Variants in GPR158 observed in about 807,000 individuals in gnomAD.
GPR158 encodes G protein-coupled receptor 158.
A neutral mutation model predicts 78.2 loss-of-function variants in GPR158; 30 were observed. The observed-to-expected ratio is 0.38, with a 90% confidence interval of 0.29 to 0.52. The LOEUF (loss-of-function observed/expected upper bound fraction) is 0.52, where lower values mean the gene tolerates loss of function less well. Ranked by LOEUF, GPR158 falls within the 20% of genes least tolerant of loss-of-function variation. The probability of loss-of-function intolerance (pLI) is 0.83; values close to 1 mark genes in which losing one functional copy is unlikely to be tolerated. For synonymous variants in GPR158, 581 were observed against 591.1 expected (o/e 0.98, Z 0.25); for missense variants, 1,463 against 1,523.5 (o/e 0.96, Z 0.66).
chr10:25,419,062 CAT>C (rs971460064), intron 4 of GPR158, among the ~76,000 whole-genome samples: 2 of 151,850 alleles, frequency 1.3e-5, no homozygotes, highest in African/African-American at 4.8e-5. Flanking sequence ...TTAGGTATGT[CAT>C]ATTTTTATTT....
intron 4 of GPR158, among the ~76,000 whole-genome samples, chr10:25,433,587 G>C (rs189634945): frequency 6.8e-6 from 1 of 147,960 alleles, no homozygotes; most frequent in Admixed American, 6.7e-5. Flanking sequence ...GCGCGTGCGC[G>C]TGCGCATATA....
chr10:25,176,437 C>A lies in GPR158; in HGVS notation c.902+115C>A. On this transcript the variant is annotated intron_variant, in intron 1 of 10. Transcript: ENST00000376351. The surrounding 1 kb of genome is among the most constrained non-coding windows in gnomAD (Gnocchi z 6.3). ...TGGCTGTGACGCGAACGCTTCTCACCCTCAGAGTAGAGACCCGGGCTGAGG... is the reference window on the plus strand; with the variant it reads ...TGGCTGTGACGCGAACGCTTCTCACACTCAGAGTAGAGACCCGGGCTGAGG... The A allele has an allele frequency of 1.1e-6, 1 of 880,886 alleles. No homozygotes were observed. Among genetic ancestry groups the A allele is most frequent in the South Asian group, 1.8e-5 (1 of 56,528 alleles). 54.6% of individuals were successfully genotyped at this position (880,886 alleles called of 1,614,324 possible).
intron 6 of GPR158, 51 bp from the exon 7 acceptor site, chr10:25,572,598 T>G: frequency 8.9e-7 from 1 of 1,125,796 alleles, no homozygotes; most frequent in African/African-American, 1.5e-5. Flanking sequence ...TTTAGAGTTA[T>G]ACTTTCTGAA....
chr10:25,329,595 C>G (rs1297007717), intron 2 of GPR158, among the ~76,000 whole-genome samples: 1 of 151,186 alleles, frequency 6.6e-6, no homozygotes, highest in Admixed American at 6.6e-5. Context: ...AAACTCTTAC[C>G]TCTTTTTTTT....
Position 25,241,306 on chromosome 10 carries a change from T to C in GPR158, c.1008+20149T>C, listed in dbSNP as rs199823103. ...TTTCTTTTCTTTTCTTTTCTTTTCT[T>C]TTCTTTTCTCTTCTCTTCTCTTCTC... On this transcript the variant is annotated intron_variant, in intron 2 of 10. Transcript: ENST00000376351. 6.3e-4 allele frequency among the ~76,000 whole-genome samples: 63 copies of C among 100,652 alleles called. 2 individuals are homozygous for C. The highest frequency in any genetic ancestry group is 2.4e-3 in the African/African-American group (46 of 18,970). 66.0% of individuals were successfully genotyped at this position (100,652 alleles called of 152,430 possible). A position where few individuals can be genotyped will look rare whatever the true frequency, so the allele number is the denominator to read the frequency against.
At chr10:25,425,457 C>A (rs184319516) in intron 4 of GPR158, among the ~76,000 whole-genome samples, 1 of 151,802 alleles carries the variant, frequency 6.6e-6, no homozygotes, top group African/African-American at 2.4e-5. Flanking sequence ...ATATGTTCAT[C>A]GGCCATTTGT....
intron 2 of GPR158, among the ~76,000 whole-genome samples, chr10:25,327,055 A>G (rs1855045708): frequency 6.6e-6 from 1 of 152,182 alleles, no homozygotes; most frequent in South Asian, 2.1e-4. Flanking sequence ...ATCAGCATGT[A>G]ACCTCATTGT....
intron 2 of GPR158, among the ~76,000 whole-genome samples, chr10:25,283,554 T>A (rs938413387): frequency 3.3e-5 from 5 of 152,016 alleles, no homozygotes; most frequent in Non-Finnish European, 7.4e-5. Context: ...TTGTTAATCT[T>A]TTAAAATAAC....
chr10:25,470,028 A>T (rs1835476654), intron 5 of GPR158, among the ~76,000 whole-genome samples: 1 of 152,052 alleles, frequency 6.6e-6, no homozygotes, highest in African/African-American at 2.4e-5. Flanking sequence ...AAGATTCCCC[A>T]ATTTACTTAG....
intron 2 of GPR158, among the ~76,000 whole-genome samples, chr10:25,358,541 T>C (rs553251852): frequency 5.7e-4 from 86 of 152,172 alleles, no homozygotes; most frequent in Middle Eastern, 3.4e-3. Context: ...TTTTTAAAAA[T>C]GGGAGTTTCT....
Position 25,396,033 on chromosome 10 carries a change from A to ATG in GPR158, c.1111+22_1111+23dup. On this transcript the variant is annotated intron_variant, in intron 3 of 10. Coordinates refer to ENST00000376351, the MANE Select transcript of GPR158 (RefSeq NM_020752.3). ...TTCGGAGTAAGTGCCCTTTGTTTCT[A>ATG]TGTATATATATGTATATACATCATA... The ATG allele has an allele frequency of 1.1e-6, 1 of 950,220 alleles. No homozygotes were observed. Among genetic ancestry groups the ATG allele is most frequent in the African/African-American group, 1.6e-5 (1 of 61,132 alleles). The allele number at this position is 950,220 out of a possible 1,614,324, so 58.9% of individuals were successfully genotyped here.
chr10:25,397,823 CTGTTA>C (rs1404451555), intron 3 of GPR158, among the ~76,000 whole-genome samples: 1 of 152,070 alleles, frequency 6.6e-6, no homozygotes, highest in East Asian at 1.9e-4. Context: ...TGCTTAGGTT[CTGTTA>C]TTTAGCAACA....
chr10:25,367,209 A>G (rs1007793557), intron 2 of GPR158, among the ~76,000 whole-genome samples: 4 of 151,640 alleles, frequency 2.6e-5, no homozygotes, highest in African/African-American at 9.7e-5. Context: ...ATATTTCTAC[A>G]TAGGGCTACC....
intron 4 of GPR158, among the ~76,000 whole-genome samples, chr10:25,465,629 T>G (rs1835410902): frequency 1.3e-5 from 2 of 152,370 alleles, no homozygotes; most frequent in South Asian, 4.1e-4. Flanking sequence ...CCTTGTTATT[T>G]AATGTGATTT....
In GPR158 at chr10:25,419,158, A is replaced by G. The variant is rs61853631; in HGVS notation, c.1335+6685A>G. Among the ~76,000 whole-genome samples, 90 of 151,940 alleles carry G rather than the reference A, an allele frequency of 5.9e-4. 2 individuals are homozygous for G. The highest frequency in any genetic ancestry group is 1.2e-3 in the Non-Finnish European group (79 of 67,992). On this transcript the variant is annotated intron_variant, in intron 4 of 10. Coordinates refer to ENST00000376351, the MANE Select transcript of GPR158 (RefSeq NM_020752.3). ...TCTACCCATTATACAATAACATCCC[A>G]TTTTTCTATCCCTTGGTAACCTCTC...
chr10:25,490,990 T>TG (rs371138485), intron 5 of GPR158, among the ~76,000 whole-genome samples: 43 of 152,054 alleles, frequency 2.8e-4, no homozygotes, highest in Non-Finnish European at 2.1e-4. Context: ...AAATTTGTGT[T>TG]GGGGGGGTCC....
chr10:25,539,232 T>C (rs537333754), intron 5 of GPR158, among the ~76,000 whole-genome samples: 1 of 152,318 alleles, frequency 6.6e-6, no homozygotes, highest in Non-Finnish European at 1.5e-5. Context: ...AGCTGCTGCC[T>C]AGTTGGGGCA....
chr10:25,223,154 A>C (rs1160136335), intron 2 of GPR158, among the ~76,000 whole-genome samples: 4 of 152,226 alleles, frequency 2.6e-5, no homozygotes, highest in Non-Finnish European at 4.4e-5. Flanking sequence ...ATATGGGAAC[A>C]TTATATTTAT....
At chr10:25,398,626 A>G (rs953826751) in intron 3 of GPR158, among the ~76,000 whole-genome samples, 2 of 152,148 alleles carry the variant, frequency 1.3e-5, no homozygotes, top group African/African-American at 4.8e-5. Flanking sequence ...TTTAATTTGC[A>G]CACTCCTACT....
Sources: gnomAD v4.1 joint callset for allele counts (sites outside exome capture counted in the v4.1 genomes callset) on GRCh38, gnomAD v4.1.1 for gene constraint, Gnocchi (gnomAD v3.1) non-coding constraint, MANE v1.5 for transcripts, NCBI Gene and HGNC (gene_info 2026-07-23, HGNC 2026-07-21) for gene names.